Variants in SDK1 observed in about 807,000 individuals in gnomAD.
SDK1 encodes protein sidekick-1.
SDK1 carries 157 observed loss-of-function variants against 245.5 expected under a neutral mutation model. That is an observed-to-expected ratio of 0.64 (90% confidence interval 0.56 to 0.73). SDK1 has a LOEUF of 0.73. Ranked by LOEUF, SDK1 falls within the 30% of genes least tolerant of loss-of-function variation. The pLI, the probability that SDK1 is intolerant of heterozygous loss-of-function variation, is 0.00. For missense variants in SDK1, 3,583 were observed against 3,002.3 expected (o/e 1.19, Z -4.52); for synonymous variants, 1,647 against 1,278.5 (o/e 1.29, Z -6.15).
At chr7:3,613,094 C>A (rs1583227061) in intron 1 of SDK1, among the ~76,000 whole-genome samples, 1 of 152,254 alleles carries the variant, frequency 6.6e-6, no homozygotes, top group East Asian at 1.9e-4. Context: ...TGCTTGATAC[C>A]TCATAGTTGA....
intron 5 of SDK1, among the ~76,000 whole-genome samples, chr7:3,869,153 CT>C (rs751723918): frequency 0.037 from 4,349 of 117,102 alleles, 105 homozygotes; most frequent in African/African-American, 0.13. Context: ...TTTTTCATTT[CT>C]TTTTTTTTTT....
At chr7:3,740,671 T>G (rs1431281180) in intron 4 of SDK1, among the ~76,000 whole-genome samples, 22 of 152,170 alleles carry the variant, frequency 1.4e-4, no homozygotes, top group Admixed American at 1.4e-3. Flanking sequence ...GTGGAACTAG[T>G]GGAAGGGGTA....
At chr7:3,341,366 A>G (rs952508025) in intron 1 of SDK1, among the ~76,000 whole-genome samples, 3 of 152,218 alleles carry the variant, frequency 2.0e-5, no homozygotes, top group Non-Finnish European at 4.4e-5. Flanking sequence ...ACTAAAGAGC[A>G]TCTAACAAAA....
intron 4 of SDK1, among the ~76,000 whole-genome samples, chr7:3,735,234 A>T (rs1779286465): frequency 6.6e-6 from 1 of 152,176 alleles, no homozygotes; most frequent in South Asian, 2.1e-4. Flanking sequence ...AATAGTGTTA[A>T]GTATGTTCCC....
At chr7:3,561,664 C>G (rs1163359000) in intron 1 of SDK1, among the ~76,000 whole-genome samples, 2 of 152,144 alleles carry the variant, frequency 1.3e-5, no homozygotes, top group Non-Finnish European at 2.9e-5. Context: ...GACTTATTTT[C>G]TCCTTATATG....
At chr7:3,770,377 T>A (rs1011708977) in intron 4 of SDK1, among the ~76,000 whole-genome samples, 1 of 152,200 alleles carries the variant, frequency 6.6e-6, no homozygotes, top group Non-Finnish European at 1.5e-5. Flanking sequence ...GAAGGACACC[T>A]GGGATATTTA....
intron 1 of SDK1, among the ~76,000 whole-genome samples, chr7:3,558,563 A>G (rs1779658576): frequency 6.6e-6 from 1 of 152,190 alleles, no homozygotes. Flanking sequence ...GGCCATGTGG[A>G]CAGGGAGGGA....
chr7:3,903,495 A>C (rs1007654688), intron 5 of SDK1, among the ~76,000 whole-genome samples: 3 of 152,126 alleles, frequency 2.0e-5, no homozygotes, highest in Admixed American at 6.5e-5. Context: ...AGAAGTAGAT[A>C]CATTTTAACC....
chr7:3,388,592 TACTC>T (rs1440196867), intron 1 of SDK1, among the ~76,000 whole-genome samples: 5 of 151,028 alleles, frequency 3.3e-5, no homozygotes, highest in African/African-American at 5.0e-5. Flanking sequence ...GATGATATAA[TACTC>T]ACCACATAAG....
chr7:3,755,877 A>G (rs1055128137), intron 4 of SDK1, among the ~76,000 whole-genome samples: 8 of 152,122 alleles, frequency 5.3e-5, no homozygotes, highest in Admixed American at 1.3e-4. Context: ...CGTGTGACAC[A>G]TGCATGTTGT....
At chr7:4,133,787 C>T (rs1460230095) in intron 28 of SDK1, among the ~76,000 whole-genome samples, 1 of 152,160 alleles carries the variant, frequency 6.6e-6, no homozygotes, top group Non-Finnish European at 1.5e-5. Flanking sequence ...AGAACATTGC[C>T]CCAGCCCCAG....
intron 1 of SDK1, among the ~76,000 whole-genome samples, chr7:3,347,003 C>G (rs930913396): frequency 6.6e-6 from 1 of 151,052 alleles, no homozygotes. Context: ...TCCTTCTCTG[C>G]TAAACTAATT....
rs1780764143 is a variant in SDK1, at chr7:3,588,639, A to C, written c.299-30441A>C. Among the ~76,000 whole-genome samples, 5 of 152,212 alleles carry C rather than the reference A, an allele frequency of 3.3e-5. No homozygotes were observed. In the South Asian group the frequency reaches 1.0e-3, roughly 31 times the overall value. On this transcript the variant is annotated intron_variant, in intron 1 of 44. Transcript: ENST00000404826. ...TTAAGTGTGAGAAAGATGTTGGAAA[A>C]GATTTAGGGAGACCTTTTGGGCACC...
chr7:4,235,602 G>T (rs151209009), intron 41 of SDK1, among the ~76,000 whole-genome samples: 1 of 152,194 alleles, frequency 6.6e-6, no homozygotes, highest in African/African-American at 2.4e-5. Flanking sequence ...CTAATTCAGA[G>T]ATCCAAGATT....
intron 4 of SDK1, among the ~76,000 whole-genome samples, chr7:3,819,125 C>G (rs1411683470): frequency 6.6e-6 from 1 of 152,002 alleles, no homozygotes; most frequent in Non-Finnish European, 1.5e-5. Context: ...TAGAAATGCT[C>G]TGTTCAGAAA....
At chr7:3,573,540 C>T (rs1012358545) in intron 1 of SDK1, among the ~76,000 whole-genome samples, 3 of 152,086 alleles carry the variant, frequency 2.0e-5, no homozygotes, top group African/African-American at 4.8e-5. Flanking sequence ...CACGTGTGCA[C>T]CTCGGGAAGA....
chr7:4,245,564 T>C (rs1368236451), intron 43 of SDK1, 112 bp from the exon 44 acceptor site: 4 of 1,277,502 alleles, frequency 3.1e-6, no homozygotes, highest in Non-Finnish European at 4.3e-6. Context: ...TGTCAAAGGC[T>C]GTGGGTTTCC....
chr7:3,342,550 T>G (rs1346113755), intron 1 of SDK1, among the ~76,000 whole-genome samples: 1 of 151,816 alleles, frequency 6.6e-6, no homozygotes, highest in Non-Finnish European at 1.5e-5. Flanking sequence ...ATCGCATCGT[T>G]GCACTCCAGC....
intron 4 of SDK1, among the ~76,000 whole-genome samples, chr7:3,771,210 G>C (rs1171151870): frequency 6.6e-6 from 1 of 151,836 alleles, no homozygotes; most frequent in Admixed American, 6.6e-5. Flanking sequence ...AGCCCACCTG[G>C]GCTTGTGCAC....
Sources: allele counts gnomAD v4.1 joint callset (sites outside exome capture counted in the v4.1 genomes callset), GRCh38; gene constraint gnomAD v4.1.1; transcripts MANE v1.5; gene names NCBI Gene and HGNC (gene_info 2026-07-23, HGNC 2026-07-21).